The following SLTM variants were observed in gnomAD, a reference collection of about 807,000 sequenced individuals.
The protein encoded by SLTM is SAFB-like transcription modulator.
Under a neutral mutation model 134.6 loss-of-function variants are expected in SLTM, and 43 were observed. That is an observed-to-expected ratio of 0.32 (90% CI 0.25 to 0.41). The LOEUF (loss-of-function observed/expected upper bound fraction) is 0.41. Ranked by LOEUF, SLTM falls within the 10% of genes least tolerant of loss-of-function variation. SLTM has a pLI of 1.00. For missense variants in SLTM, 1,055 were observed against 1,288.8 expected, an observed-to-expected ratio of 0.82 and a Z score of 2.78; for synonymous variants, 424 against 432.3, an observed-to-expected ratio of 0.98 and a Z score of 0.24.
At chr15:58,891,072 T>C (rs1480243500) in intron 14 of SLTM, among the ~76,000 whole-genome samples, 1 of 152,226 alleles carries the variant, frequency 6.6e-6, no homozygotes, top group African/African-American at 2.4e-5. Context: ...ATTAGACTTT[T>C]AATGTTATTT....
intron 5 of SLTM, among the ~76,000 whole-genome samples, chr15:58,903,448 T>C (rs1224715927): frequency 1.3e-5 from 2 of 150,926 alleles, no homozygotes; most frequent in Non-Finnish European, 1.5e-5. Context: ...GTTCTCAAAC[T>C]TGAGCATGCA....
At chr15:58,910,658 T>C (rs1422937030) in intron 5 of SLTM, among the ~76,000 whole-genome samples, 1 of 151,706 alleles carries the variant, frequency 6.6e-6, no homozygotes, top group Non-Finnish European at 1.5e-5. Context: ...CCAAATAATA[T>C]AAAGACCTCG....
chr15:58,898,160 TCTC>T (rs1323320473), intron 8 of SLTM: 1 of 152,114 alleles, frequency 6.6e-6, no homozygotes, highest in Non-Finnish European at 1.5e-5. Context: ...TGCATACAAT[TCTC>T]CTTTACACAT....
At chr15:58,909,351 A>G (rs1214280439) in intron 5 of SLTM, among the ~76,000 whole-genome samples, 1 of 152,228 alleles carries the variant, frequency 6.6e-6, no homozygotes, top group Non-Finnish European at 1.5e-5. Flanking sequence ...GAAAAAAGGA[A>G]AAATTAAGAA....
chr15:58,932,392 T>G lies in SLTM; in HGVS notation c.214A>C (p.Thr72Pro). The G allele has an allele frequency of 6.2e-7, 1 of 1,613,712 alleles. No individual in the cohort carries two copies. The highest frequency in any genetic ancestry group is 8.5e-7 in the Non-Finnish European group (1 of 1,179,642). The change falls in exon 2 of 21, where the codon ACT (threonine) becomes CCT (proline). Residue 72 changes from threonine (T) to proline (P), a missense_variant. Thr to Pro is a conservative substitution (Grantham distance 38, BLOSUM62 -1). Coordinates refer to ENST00000380516, the MANE Select transcript of SLTM (RefSeq NM_024755.4). ...GTTGGTTTCTTGTTTGGAGTATCAG[T>G]TGAAACAGTTAATTCAATATTATCT... ...DPDNIELTVS[T>P]DTPNKKPTKG...
chr15:58,882,573 C>A (rs1447130741), intron 20 of SLTM, among the ~76,000 whole-genome samples: 2 of 152,158 alleles, frequency 1.3e-5, no homozygotes, highest in African/African-American at 4.8e-5. Flanking sequence ...AGTCTGACAA[C>A]CATGAAAATA....
intron 1 of SLTM, among the ~76,000 whole-genome samples, chr15:58,933,051 A>G (rs1047251299): frequency 6.6e-6 from 1 of 152,148 alleles, no homozygotes; most frequent in African/African-American, 2.4e-5. Flanking sequence ...CACGCTCACC[A>G]TGGCTAAAGG....
intron 20 of SLTM, among the ~76,000 whole-genome samples, chr15:58,881,043 G>A (rs1272605867): frequency 6.6e-6 from 1 of 152,120 alleles, no homozygotes; most frequent in African/African-American, 2.4e-5. Flanking sequence ...AACAGGCCGG[G>A]CGCAGTGGCT....
chr15:58,932,278 C>A, intron 2 of SLTM, 78 bp downstream of exon 2: 5 of 1,045,506 alleles, frequency 4.8e-6, no homozygotes, highest in Non-Finnish European at 7.5e-6. Flanking sequence ...ACTATATAAA[C>A]AGGGCAAGAG....
chr15:58,902,076 A>G (rs2035522606), intron 5 of SLTM, among the ~76,000 whole-genome samples: 2 of 152,220 alleles, frequency 1.3e-5, no homozygotes, highest in South Asian at 2.1e-4. Context: ...TAAAAACAGA[A>G]GAGTCATAAA....
chr15:58,890,137 T>C, intron 15 of SLTM, 144 bp downstream of exon 15: 1 of 846,078 alleles, frequency 1.2e-6, no homozygotes, highest in Non-Finnish European at 1.9e-6. Context: ...CCTAATTCAC[T>C]GTTATCTTTC....
Position 58,896,131 on chromosome 15 carries a change from ACTC to A in SLTM, c.1227+981_1227+983del, listed in dbSNP as rs550327497. On this transcript the variant is annotated intron_variant, in intron 9 of 20. Transcript: ENST00000380516. ...GTTATTAATTGAGTATTCTTTGACT[ACTC>A]CTTCTCTTCCTTTAGGTCTCCCCTT... Among the ~76,000 whole-genome samples the A allele has an allele frequency of 3.2e-3, 490 of 152,166 alleles. 1 individual carries two copies. The highest frequency in any genetic ancestry group is 7.8e-3 in the Admixed American group (119 of 15,274).
chr15:58,922,510 T>C (rs1483756202), intron 2 of SLTM, among the ~76,000 whole-genome samples: 1 of 145,640 alleles, frequency 6.9e-6, no homozygotes, highest in African/African-American at 2.5e-5. Flanking sequence ...ATATATTATA[T>C]ACGTATAAAA....
chr15:58,896,146 T>C (rs2035061388), intron 9 of SLTM, among the ~76,000 whole-genome samples: 1 of 152,198 alleles, frequency 6.6e-6, no homozygotes, highest in African/African-American at 2.4e-5. Flanking sequence ...TTCTCTTCCT[T>C]TAGGTCTCCC....
In SLTM at chr15:58,893,807, G is replaced by T. The variant is rs190728445; in HGVS notation, c.1648+14C>A. ...GAATGCATTAGAAAGGGATTGAAAAGATGTATAGCATACTTATTCGCTTCT... is the reference window on the plus strand; with the variant it reads ...GAATGCATTAGAAAGGGATTGAAAATATGTATAGCATACTTATTCGCTTCT... On this transcript the variant is annotated intron_variant, in intron 12 of 20. Transcript: ENST00000380516. 6 of 1,596,786 alleles carry T rather than the reference G, an allele frequency of 3.8e-6. No homozygotes were observed. In the Admixed American group the frequency reaches 9.0e-5, roughly 24 times the overall value.
chr15:58,912,746 G>A, intron 4 of SLTM, 136 bp from the exon 5 acceptor site: 1 of 660,716 alleles, frequency 1.5e-6, no homozygotes, highest in South Asian at 1.8e-5. Flanking sequence ...CTAAATCAAT[G>A]CTTAATATTC....
chr15:58,914,028 G>A (rs935993167), intron 3 of SLTM, among the ~76,000 whole-genome samples: 49 of 152,240 alleles, frequency 3.2e-4, no homozygotes, highest in African/African-American at 1.1e-3. Context: ...ATTTTTCCAT[G>A]TGCCATATGT....
At chr15:58,883,490 G>GT in intron 20 of SLTM, 136 bp downstream of exon 20, 1 of 1,128,804 alleles carries the variant, frequency 8.9e-7, no homozygotes, top group East Asian at 2.4e-5. Context: ...GAGACTACGG[G>GT]TTGATACAGG....
Position 58,933,491 on chromosome 15 carries a change from C to T in SLTM, c.75G>A (p.Leu25=). ...GCTCGGACTTCAGATCGATGACCCG[C>T]AGATCGGTGATCTTTTTACCTTCCG... The part of the protein sequence containing the change: ...GQAEGKKITD[L]RVIDLKSELK... The change falls in exon 1 of 21, where the codon CTG becomes CTA. Residue 25 remains leucine, a synonymous_variant. Transcript: ENST00000380516. 2 of 1,599,920 alleles carry T rather than the reference C, an allele frequency of 1.3e-6. No individual in the cohort carries two copies. The highest frequency in any genetic ancestry group is 1.7e-6 in the Non-Finnish European group (2 of 1,173,892).
Sources: gnomAD v4.1 joint callset for allele counts (sites outside exome capture counted in the v4.1 genomes callset) on GRCh38, gnomAD v4.1.1 for gene constraint, MANE v1.5 for transcripts, NCBI Gene and HGNC (gene_info 2026-07-23, HGNC 2026-07-21) for gene names.